The following SEMA3C variants were observed in gnomAD, a reference collection of about 807,000 sequenced individuals.
SEMA3C encodes semaphorin 3C, also known as semaphorin-3C.
In SEMA3C, 47 loss-of-function variants were observed where a neutral mutation model predicts 89.4. The ratio of observed to expected loss-of-function variants is 0.53; its 90% CI spans 0.42 to 0.67. The LOEUF (loss-of-function observed/expected upper bound fraction) is 0.67. Ranked by LOEUF, SEMA3C falls within the 30% of genes least tolerant of loss-of-function variation. The probability of loss-of-function intolerance (pLI) is 0.00; values close to 1 mark genes in which losing one functional copy is unlikely to be tolerated. For synonymous variants in SEMA3C, 310 were observed against 320.2 expected (o/e 0.97, Z 0.34); for missense variants, 839 against 929.1 (o/e 0.90, Z 1.26).
chr7:80,787,387 G>GT (rs1403540883), intron 12 of SEMA3C, among the ~76,000 whole-genome samples: 2 of 105,704 alleles, frequency 1.9e-5, no homozygotes, highest in Admixed American at 1.2e-4. Flanking sequence ...GCAAGACTCC[G>GT]TTTAAAAAAA....
chr7:80,780,358 AT>A (rs1398726861), intron 12 of SEMA3C, among the ~76,000 whole-genome samples: 1 of 152,170 alleles, frequency 6.6e-6, no homozygotes, highest in Non-Finnish European at 1.5e-5. Flanking sequence ...CATCTTTGTG[AT>A]ATATTACTAT....
chr7:80,829,561 G>A (rs570994296), intron 2 of SEMA3C, among the ~76,000 whole-genome samples: 1 of 152,138 alleles, frequency 6.6e-6, no homozygotes, highest in South Asian at 2.1e-4. Flanking sequence ...GAAAGTAGAC[G>A]TATTTTCAGG....
At chr7:80,814,083 T>C (rs942936834) in intron 5 of SEMA3C, among the ~76,000 whole-genome samples, 30 of 138,834 alleles carry the variant, frequency 2.2e-4, no homozygotes, top group Non-Finnish European at 4.2e-4. Flanking sequence ...CTTTTTTTTT[T>C]CTTTTTTCTT....
intron 12 of SEMA3C, among the ~76,000 whole-genome samples, chr7:80,785,161 C>T (rs545472929): frequency 5.2e-4 from 79 of 152,138 alleles, no homozygotes; most frequent in Middle Eastern, 3.4e-3. Flanking sequence ...GAGTTGTACA[C>T]GATAATGGTA....
At chr7:80,838,336 G>T (rs1025489491) in intron 2 of SEMA3C, among the ~76,000 whole-genome samples, 3 of 152,080 alleles carry the variant, frequency 2.0e-5, no homozygotes, top group African/African-American at 7.2e-5. Flanking sequence ...AATCTCTAAT[G>T]TTCTGTATAG....
At chr7:80,780,568 T>C (rs1489962778) in intron 12 of SEMA3C, among the ~76,000 whole-genome samples, 3 of 152,184 alleles carry the variant, frequency 2.0e-5, no homozygotes, top group African/African-American at 7.2e-5. Flanking sequence ...GAACAAATTA[T>C]TACCAATTTA....
chr7:80,852,677 ATTT>A (rs751469979), intron 2 of SEMA3C, among the ~76,000 whole-genome samples: 15,090 of 137,810 alleles, frequency 0.11, 1,195 homozygotes, highest in African/African-American at 0.24. Flanking sequence ...CTGAATAGAC[ATTT>A]TTTTTTTTTT....
At chr7:80,836,449 A>G (rs1216278647) in intron 2 of SEMA3C, among the ~76,000 whole-genome samples, 1 of 152,174 alleles carries the variant, frequency 6.6e-6, no homozygotes, top group Non-Finnish European at 1.5e-5. Context: ...AGGCTGAGAC[A>G]GGTGGATCAC....
chr7:80,800,021 C>T (rs1021983119), intron 10 of SEMA3C, among the ~76,000 whole-genome samples: 7 of 151,230 alleles, frequency 4.6e-5, no homozygotes, highest in Admixed American at 1.3e-4. Context: ...GGCGTGGTGG[C>T]GGGCGCCTGT....
At chr7:80,792,439 C>T (rs759437391) in intron 11 of SEMA3C, among the ~76,000 whole-genome samples, 10 of 152,172 alleles carry the variant, frequency 6.6e-5, no homozygotes, top group Non-Finnish European at 1.0e-4. Flanking sequence ...CAAGCATTCT[C>T]GTTTCTGAGT....
intron 2 of SEMA3C, among the ~76,000 whole-genome samples, chr7:80,845,236 G>A (rs931599858): frequency 5.3e-5 from 8 of 152,096 alleles, no homozygotes; most frequent in African/African-American, 1.9e-4. Flanking sequence ...ATTTGGAAAT[G>A]GGAGACAAAA....
chr7:80,913,931 C>T lies in SEMA3C; in HGVS notation c.103+2748G>A, dbSNP rs141328234. ...AAATTGCCTATGATGCTTATTGCAC[C>T]GGAAGTAACACAAGACTGAGTGGTT... On this transcript the variant is annotated intron_variant, in intron 2 of 17. Coordinates refer to ENST00000265361, the MANE Select transcript of SEMA3C (RefSeq NM_006379.5). Among the ~76,000 whole-genome samples the T allele has an allele frequency of 1.5e-3, 229 of 152,258 alleles. 1 individual carries two copies. The East Asian group carries it at 0.021, about 14-fold the overall frequency.
chr7:80,859,863 C>A (rs1270635122), intron 2 of SEMA3C, among the ~76,000 whole-genome samples: 1 of 152,108 alleles, frequency 6.6e-6, no homozygotes, highest in East Asian at 1.9e-4. Flanking sequence ...CAATCTCTAA[C>A]ACCTTTCACA....
chr7:80,912,164 T>A (rs1462862699), intron 2 of SEMA3C, among the ~76,000 whole-genome samples: 1 of 152,150 alleles, frequency 6.6e-6, no homozygotes. Context: ...CAGGAAAATA[T>A]AGGCTTACAC....
intron 5 of SEMA3C, among the ~76,000 whole-genome samples, chr7:80,811,739 A>C (rs540817040): frequency 1.7e-3 from 253 of 152,288 alleles, no homozygotes; most frequent in Non-Finnish European, 3.1e-3. Context: ...GAGATTGGGA[A>C]TGAAATGTAT....
chr7:80,898,741 T>A (rs886349990), intron 2 of SEMA3C, among the ~76,000 whole-genome samples: 2 of 151,990 alleles, frequency 1.3e-5, no homozygotes, highest in South Asian at 2.1e-4. Flanking sequence ...TACAGAATAA[T>A]TTTTTCACAA....
intron 5 of SEMA3C, among the ~76,000 whole-genome samples, chr7:80,811,142 T>C (rs139068544): frequency 8.3e-4 from 126 of 152,280 alleles, no homozygotes; most frequent in African/African-American, 2.9e-3. Context: ...AATTTTATCA[T>C]ATAAAGCATT....
At chr7:80,889,750 TTC>T (rs1334163258) in intron 2 of SEMA3C, among the ~76,000 whole-genome samples, 1 of 152,058 alleles carries the variant, frequency 6.6e-6, no homozygotes, top group Non-Finnish European at 1.5e-5. Flanking sequence ...AAAAAAAAGA[TTC>T]TTTTTTTCTT....
At chr7:80,912,240 A>G (rs1381340176) in intron 2 of SEMA3C, among the ~76,000 whole-genome samples, 1 of 152,166 alleles carries the variant, frequency 6.6e-6, no homozygotes, top group Non-Finnish European at 1.5e-5. Flanking sequence ...TTTATCCTAA[A>G]ATTTTCAAGA....
Sources: allele counts gnomAD v4.1 joint callset (sites outside exome capture counted in the v4.1 genomes callset), GRCh38; gene constraint gnomAD v4.1.1; transcripts MANE v1.5; gene names NCBI Gene and HGNC (gene_info 2026-07-23, HGNC 2026-07-21).